The following C3orf70 variants were observed in gnomAD, a reference collection of about 807,000 sequenced individuals.
C3orf70 encodes the protein chromosome 3 open reading frame 70, also known as UPF0524 protein C3orf70.
Under a neutral mutation model 20.7 loss-of-function variants are expected in C3orf70, and 15 were observed. The ratio of observed to expected loss-of-function variants is 0.72; its 90% CI spans 0.48 to 1.11. The LOEUF is 1.11. C3orf70 is among the 50% of genes most tolerant of loss of function. The pLI, the probability that C3orf70 is intolerant of heterozygous loss-of-function variation, is 0.00. For synonymous variants in C3orf70, 161 were observed against 125.7 expected (o/e 1.28, Z -1.88); for missense variants, 332 against 317.6 (o/e 1.05, Z -0.34).
intron 1 of C3orf70, among the ~76,000 whole-genome samples, chr3:185,086,505 A>G (rs1715461439): frequency 6.6e-6 from 1 of 152,194 alleles, no homozygotes; most frequent in South Asian, 2.1e-4. Flanking sequence ...CCTCTATGTG[A>G]GGGTACAGCA....
intron 1 of C3orf70, among the ~76,000 whole-genome samples, chr3:185,132,238 A>G (rs557828256): frequency 2.0e-5 from 3 of 152,328 alleles, no homozygotes; most frequent in African/African-American, 7.2e-5. Context: ...AAATCCAGTG[A>G]ATCAGATCTG....
At chr3:185,092,336 C>T (rs2108589202) in intron 1 of C3orf70, among the ~76,000 whole-genome samples, 1 of 152,220 alleles carries the variant, frequency 6.6e-6, no homozygotes, top group East Asian at 1.9e-4. Context: ...ATTTGGCCAT[C>T]CCTGCCCAAG....
intron 1 of C3orf70, among the ~76,000 whole-genome samples, chr3:185,142,220 G>C (rs1257398442): frequency 6.6e-6 from 1 of 152,138 alleles, no homozygotes; most frequent in African/African-American, 2.4e-5. Flanking sequence ...TGCACTTTGG[G>C]AGGCCAAGGC....
intron 1 of C3orf70, among the ~76,000 whole-genome samples, chr3:185,148,901 T>G (rs146606340): frequency 6.0e-4 from 91 of 152,332 alleles, no homozygotes; most frequent in African/African-American, 2.1e-3. Context: ...ATGTACATAT[T>G]TTTAAGCTTT....
intron 1 of C3orf70, among the ~76,000 whole-genome samples, chr3:185,146,652 T>C (rs1716882465): frequency 6.6e-6 from 1 of 152,224 alleles, no homozygotes; most frequent in Admixed American, 6.5e-5. Flanking sequence ...TCCTTATTTT[T>C]GTTGTTGTTG....
intron 1 of C3orf70, among the ~76,000 whole-genome samples, chr3:185,120,938 T>C (rs766664859): frequency 6.6e-6 from 1 of 152,150 alleles, no homozygotes; most frequent in Non-Finnish European, 1.5e-5. Flanking sequence ...CACACGTTTA[T>C]AGCAGCACCA....
chr3:185,135,154 A>G (rs1246320528), intron 1 of C3orf70, among the ~76,000 whole-genome samples: 1 of 152,228 alleles, frequency 6.6e-6, no homozygotes, highest in Non-Finnish European at 1.5e-5. Context: ...TAAATGAAAA[A>G]TAACAATCAA....
intron 1 of C3orf70, among the ~76,000 whole-genome samples, chr3:185,117,860 T>C (rs1261358812): frequency 6.6e-6 from 1 of 152,212 alleles, no homozygotes; most frequent in Non-Finnish European, 1.5e-5. Flanking sequence ...CTACATTTTC[T>C]AACAGTAAAA....
At position 185,083,411 on chromosome 3, in the gene C3orf70, G is replaced by A. The variant is rs751921763; in HGVS notation, c.349C>T (p.Pro117Ser). 6 of 1,614,028 alleles carry A rather than the reference G, an allele frequency of 3.7e-6. No individual in the cohort carries two copies. In the East Asian group the frequency reaches 1.3e-4, roughly 36 times the overall value. ...KFASVFQPPL[P>S]PDSPRYCMIS... ...ATACAGTACCTCGGTGAGTCAGGGG[G>A]AAGGGGAGGCTGGAAGACAGATGCA... The change falls in exon 2 of 2, where the codon CCC becomes TCC. Residue 117 changes from proline (P) to serine (S), a missense_variant. By Grantham distance (74) the Pro-to-Ser change is moderately conservative. Coordinates refer to ENST00000335012, the MANE Select transcript of C3orf70 (RefSeq NM_001025266.3).
chr3:185,144,699 T>C (rs1173870807), intron 1 of C3orf70, among the ~76,000 whole-genome samples: 2 of 120,594 alleles, frequency 1.7e-5, no homozygotes, highest in Non-Finnish European at 3.5e-5. Flanking sequence ...CTTGAACTCC[T>C]GACCTCAGGT....
intron 1 of C3orf70, among the ~76,000 whole-genome samples, chr3:185,139,872 T>G (rs573195447): frequency 6.6e-6 from 1 of 151,780 alleles, no homozygotes; most frequent in Admixed American, 6.6e-5. Flanking sequence ...CTATAAAAAT[T>G]TTAGAAAAAA....
intron 1 of C3orf70, among the ~76,000 whole-genome samples, chr3:185,133,341 C>A (rs1716559724): frequency 2.0e-5 from 3 of 152,182 alleles, no homozygotes; most frequent in South Asian, 2.1e-4. Context: ...TGTACCTCCC[C>A]AAATATATCT....
Position 185,152,903 on chromosome 3 carries a change from C to G in C3orf70, c.-80G>C. ...GGTGGGCAGGAAGCCGAGCCGGCTGCGGACGCGGGAGGGCGCGGCACGGGC... is the reference window on the plus strand; with the variant it reads ...GGTGGGCAGGAAGCCGAGCCGGCTGGGGACGCGGGAGGGCGCGGCACGGGC... On this transcript the variant is annotated 5_prime_UTR_variant, in exon 1 of 2. Transcript: ENST00000335012. The G allele has an allele frequency of 7.6e-7, 1 of 1,312,368 alleles. No homozygotes were observed. Among genetic ancestry groups the G allele is most frequent in the Non-Finnish European group, 9.9e-7 (1 of 1,009,936 alleles). The allele number at this position is 1,312,368 out of a possible 1,614,324, so 81.3% of individuals were successfully genotyped here.
In C3orf70 at chr3:185,121,296, C is replaced by T. The variant is rs767153505; in HGVS notation, c.196+31332G>A. 4.7e-5 allele frequency among the ~76,000 whole-genome samples: 7 copies of T among 149,848 alleles called. No individual in the cohort carries two copies. In the South Asian group the frequency reaches 6.3e-4, roughly 13 times the overall value. ...GATTCAGTGTATACTGCTCGGGTGA[C>T]GGGTTCACCAAAATCTCACAAATTA... On this transcript the variant is annotated intron_variant, in intron 1 of 1. Coordinates refer to ENST00000335012, the MANE Select transcript of C3orf70 (RefSeq NM_001025266.3).
chr3:185,108,488 G>A (rs1251823379), intron 1 of C3orf70, among the ~76,000 whole-genome samples: 2 of 152,238 alleles, frequency 1.3e-5, no homozygotes, highest in Non-Finnish European at 1.5e-5. Context: ...GCAAACAGCA[G>A]TTAGAATTAG....
chr3:185,148,785 A>G lies in C3orf70; in HGVS notation c.196+3843T>C, dbSNP rs1716926121. On this transcript the variant is annotated intron_variant, in intron 1 of 1. Coordinates refer to ENST00000335012, the MANE Select transcript of C3orf70 (RefSeq NM_001025266.3). ...ACAGAACATATGATGCTTTCCTCCC[A>G]GGCAACATCCTCAAAAATGCGCCAT... 2.0e-5 allele frequency among the ~76,000 whole-genome samples: 3 copies of G among 152,346 alleles called. No homozygotes were observed. In the South Asian group the frequency reaches 6.2e-4, roughly 32 times the overall value.
At chr3:185,123,702 T>C (rs1716355691) in intron 1 of C3orf70, among the ~76,000 whole-genome samples, 1 of 152,106 alleles carries the variant, frequency 6.6e-6, no homozygotes, top group Non-Finnish European at 1.5e-5. Context: ...TATGTGACTG[T>C]TGTTACTATA....
chr3:185,088,153 C>T (rs1467585758), intron 1 of C3orf70, among the ~76,000 whole-genome samples: 1 of 152,102 alleles, frequency 6.6e-6, no homozygotes, highest in Non-Finnish European at 1.5e-5. Context: ...TCAGGTGATC[C>T]ACCCGCCTCG....
At chr3:185,125,384 A>AAACAACAACAACAACAAC (rs141336074) in intron 1 of C3orf70, among the ~76,000 whole-genome samples, 1 of 149,798 alleles carries the variant, frequency 6.7e-6, no homozygotes. Context: ...CCATCTCCAA[A>AAACAACAACAACAACAAC]AACAACAACA....
Sources: allele counts gnomAD v4.1 joint callset (sites outside exome capture counted in the v4.1 genomes callset), GRCh38; gene constraint gnomAD v4.1.1; transcripts MANE v1.5; gene names NCBI Gene and HGNC (gene_info 2026-07-23, HGNC 2026-07-21).